Variants in GALNTL6 observed in about 807,000 individuals in gnomAD.
GALNTL6 encodes polypeptide N-acetylgalactosaminyltransferase like 6.
A neutral mutation model predicts 73.7 loss-of-function variants in GALNTL6; 46 were observed. That is an observed-to-expected ratio of 0.62 (90% confidence interval 0.49 to 0.80). The LOEUF is 0.80. GALNTL6 is among the 30% of genes least tolerant of loss of function. The probability of loss-of-function intolerance (pLI) is 0.00; values close to 1 mark genes in which losing one functional copy is unlikely to be tolerated. For missense variants in GALNTL6, 604 were observed against 755.0 expected, an observed-to-expected ratio of 0.80 and a Z score of 2.34; for synonymous variants, 259 against 263.7, an observed-to-expected ratio of 0.98 and a Z score of 0.17.
chr4:172,437,393 A>G (rs1321623278), intron 5 of GALNTL6, among the ~76,000 whole-genome samples: 3 of 152,094 alleles, frequency 2.0e-5, no homozygotes, highest in Non-Finnish European at 2.9e-5. Context: ...ATGTGAAATT[A>G]TGCATTTGTG....
intron 5 of GALNTL6, among the ~76,000 whole-genome samples, chr4:172,651,253 C>T (rs188361348): frequency 7.5e-4 from 114 of 152,248 alleles, no homozygotes; most frequent in Middle Eastern, 3.4e-3. Flanking sequence ...AACTGTTGGA[C>T]TTTGACTTAA....
rs1221166371 is a variant in GALNTL6, at chr4:172,765,994, CA to C, written c.554-43366del. 2.0e-5 allele frequency among the ~76,000 whole-genome samples: 3 copies of C among 151,982 alleles called. No individual in the cohort carries two copies. The East Asian group carries it at 5.8e-4, about 29-fold the overall frequency. ...AGAGAAAGAAAAAAGGAAAACCATT[CA>C]GGGGGATAAATTTCTCTAAGACTGG... On this transcript the variant is annotated intron_variant, in intron 5 of 12. Coordinates refer to ENST00000506823, the MANE Select transcript of GALNTL6 (RefSeq NM_001034845.3).
Position 172,303,089 on chromosome 4 carries a change from G to A in GALNTL6, c.248-8525G>A, listed in dbSNP as rs187493593. 7.9e-5 allele frequency among the ~76,000 whole-genome samples: 12 copies of A among 151,824 alleles called. No homozygotes were observed. In the East Asian group the frequency reaches 1.2e-3, roughly 15 times the overall value. On this transcript the variant is annotated intron_variant, in intron 3 of 12. Transcript: ENST00000506823. ...ATTTTGGCTCACTACAACCTCTGCC[G>A]CCCAGGTTCAAGCGATTCTCCTGCC...
At chr4:173,034,832 C>A (rs1753618137) in intron 12 of GALNTL6, among the ~76,000 whole-genome samples, 1 of 152,096 alleles carries the variant, frequency 6.6e-6, no homozygotes, top group African/African-American at 2.4e-5. Context: ...CCCCACTGCC[C>A]CAACCTCACC....
At chr4:172,830,596 C>T (rs1025823888) in intron 7 of GALNTL6, among the ~76,000 whole-genome samples, 17 of 152,322 alleles carry the variant, frequency 1.1e-4, no homozygotes, top group African/African-American at 2.2e-4. Context: ...GGATGCCCAA[C>T]GTGTCCCTAG....
intron 2 of GALNTL6, among the ~76,000 whole-genome samples, chr4:171,888,480 G>T (rs560310777): frequency 6.7e-4 from 102 of 151,922 alleles, no homozygotes; most frequent in African/African-American, 2.3e-3. Flanking sequence ...TCGAGAGGAA[G>T]AGAAGGACTC....
intron 5 of GALNTL6, among the ~76,000 whole-genome samples, chr4:172,523,145 A>T (rs1734839706): frequency 6.6e-6 from 1 of 152,160 alleles, no homozygotes; most frequent in Admixed American, 6.6e-5. Flanking sequence ...GGGACTCAGG[A>T]TGTACTTTGT....
chr4:172,693,053 C>T (rs746026786), intron 5 of GALNTL6, among the ~76,000 whole-genome samples: 3 of 152,106 alleles, frequency 2.0e-5, no homozygotes, highest in African/African-American at 4.8e-5. Flanking sequence ...AACAACACTA[C>T]GATTGGCCAA....
intron 5 of GALNTL6, among the ~76,000 whole-genome samples, chr4:172,380,780 A>G (rs986814217): frequency 3.3e-5 from 5 of 152,174 alleles, no homozygotes; most frequent in Admixed American, 6.5e-5. Flanking sequence ...TGTTTTGTTT[A>G]TTACAATAGA....
chr4:173,037,093 G>C (rs2126543789), intron 12 of GALNTL6, among the ~76,000 whole-genome samples: 1 of 152,310 alleles, frequency 6.6e-6, no homozygotes. Context: ...GCTTGCTATG[G>C]GCAAGGCAGA....
intron 7 of GALNTL6, among the ~76,000 whole-genome samples, chr4:172,856,162 T>G (rs753857661): frequency 7.2e-5 from 11 of 152,332 alleles, no homozygotes; most frequent in Non-Finnish European, 1.6e-4. Context: ...TCTTGCTGAT[T>G]CTTAAATAAA....
chr4:172,898,290 T>G (rs1293644972), intron 8 of GALNTL6, among the ~76,000 whole-genome samples: 1 of 41,218 alleles, frequency 2.4e-5, no homozygotes, highest in Non-Finnish European at 4.9e-5. Flanking sequence ...ATATACTTTA[T>G]TACACACACA....
chr4:172,891,565 A>C (rs989342849), intron 8 of GALNTL6, among the ~76,000 whole-genome samples: 6 of 152,114 alleles, frequency 3.9e-5, no homozygotes, highest in Non-Finnish European at 7.4e-5. Context: ...AGCTGCCTTT[A>C]AGATTTATTT....
rs114958364 is a variant in GALNTL6, at chr4:172,522,264, A to G, written c.553+173575A>G. On this transcript the variant is annotated intron_variant, in intron 5 of 12. Transcript: ENST00000506823. ...ATTACTTTTCACAATAAAAGTAATTATTAAAAGGCACAAATGTAATTTTAT... is the reference window on the plus strand; with the variant it reads ...ATTACTTTTCACAATAAAAGTAATTGTTAAAAGGCACAAATGTAATTTTAT... 7.4e-3 allele frequency among the ~76,000 whole-genome samples: 1,132 copies of G among 152,368 alleles called. 17 individuals carry two copies. Among genetic ancestry groups the G allele is most frequent in the African/African-American group, 0.026 (1,064 of 41,588 alleles).
At chr4:172,756,898 A>G (rs1737786967) in intron 5 of GALNTL6, among the ~76,000 whole-genome samples, 1 of 152,208 alleles carries the variant, frequency 6.6e-6, no homozygotes, top group African/African-American at 2.4e-5. Flanking sequence ...ACAACTGACC[A>G]ACATTAATTT....
At chr4:171,901,487 A>AT (rs1737093411) in intron 2 of GALNTL6, among the ~76,000 whole-genome samples, 4 of 152,038 alleles carry the variant, frequency 2.6e-5, no homozygotes, top group African/African-American at 9.7e-5. Flanking sequence ...AAAGTAAGGA[A>AT]ATATTTTTCT....
At chr4:172,291,244 A>C (rs1247557178) in intron 3 of GALNTL6, among the ~76,000 whole-genome samples, 1 of 152,106 alleles carries the variant, frequency 6.6e-6, no homozygotes, top group East Asian at 1.9e-4. Flanking sequence ...TTATTGTAAA[A>C]GTCTAACAAT....
intron 5 of GALNTL6, among the ~76,000 whole-genome samples, chr4:172,801,354 A>G (rs1355953670): frequency 6.6e-6 from 1 of 152,196 alleles, no homozygotes; most frequent in Non-Finnish European, 1.5e-5. Flanking sequence ...CTCTATAAAT[A>G]CATAAGATGA....
At chr4:172,005,580 C>A (rs1740818309) in intron 2 of GALNTL6, among the ~76,000 whole-genome samples, 1 of 152,172 alleles carries the variant, frequency 6.6e-6, no homozygotes, top group Non-Finnish European at 1.5e-5. Flanking sequence ...CCCATCCCAT[C>A]TACTATGATA....
Sources: gnomAD v4.1 joint callset for allele counts (sites outside exome capture counted in the v4.1 genomes callset) on GRCh38, gnomAD v4.1.1 for gene constraint, MANE v1.5 for transcripts, NCBI Gene and HGNC (gene_info 2026-07-23, HGNC 2026-07-21) for gene names.